Variants in TM2D3 observed in about 807,000 individuals in gnomAD.
TM2D3 encodes TM2 domain-containing protein 3.
Under a neutral mutation model 27.3 loss-of-function variants are expected in TM2D3, and 33 were observed. The observed-to-expected ratio is 1.21, with a 90% CI of 0.92 to 1.61. The LOEUF (loss-of-function observed/expected upper bound fraction) is 1.61. Ranked by LOEUF, TM2D3 falls within the 40% of genes most tolerant of loss-of-function variation. The probability of loss-of-function intolerance (pLI) is 0.00; values close to 1 mark genes in which losing one functional copy is unlikely to be tolerated. For missense variants in TM2D3, 364 were observed against 320.8 expected, an observed-to-expected ratio of 1.13 and a Z score of -1.03; for synonymous variants, 138 against 122.2, an observed-to-expected ratio of 1.13 and a Z score of -0.85.
chr15:101,650,453 T>C (rs919855899), intron 2 of TM2D3: 20 of 246,698 alleles, frequency 8.1e-5, no homozygotes, highest in Admixed American at 1.6e-4. Flanking sequence ...ATTCTGGGTA[T>C]ACATTAAGGG....
At chr15:101,633,964 A>G in intron 4 of TM2D3, 1 of 389,378 alleles carries the variant, frequency 2.6e-6, no homozygotes, top group Non-Finnish European at 4.6e-6. Context: ...AATTACTAAC[A>G]CTCTTAATAC....
Position 101,646,744 on chromosome 15 carries a change from C to T in TM2D3, c.483G>A (p.Arg161=), listed in dbSNP as rs1398826373. ...RQRYPANCTV[R]DHVHCLGNRT... ...ACCTACCCAAGCAGTGGACGTGGTC[C>T]CGCACCGTGCAGTTGGCAGGGTAGC... The change falls in exon 4 of 6, where the codon CGG becomes CGA. Residue 161 remains arginine (R), a synonymous_variant. Coordinates refer to ENST00000333202, the MANE Select transcript of TM2D3 (RefSeq NM_078474.3). 1.9e-6 allele frequency: 3 copies of T among 1,614,126 alleles called. No individual in the cohort carries two copies. The South Asian group carries it at 3.3e-5, about 18-fold the overall frequency.
downstream of TM2D3, among the ~76,000 whole-genome samples, chr15:101,637,194 C>CTA (rs909531792): frequency 2.0e-5 from 3 of 152,152 alleles, no homozygotes; most frequent in Non-Finnish European, 2.9e-5. Context: ...GTGTTATTGT[C>CTA]TAAAGACCTC....
At chr15:101,650,346 A>G in intron 2 of TM2D3, 185 bp from the exon 3 acceptor site, 1 of 540,090 alleles carries the variant, frequency 1.9e-6, no homozygotes, top group Non-Finnish European at 3.2e-6. Context: ...CAGCTGTGGG[A>G]CCTGGTGAGC....
downstream of TM2D3, among the ~76,000 whole-genome samples, chr15:101,639,179 TATC>T (rs1253137423): frequency 3.3e-5 from 5 of 152,224 alleles, no homozygotes; most frequent in Non-Finnish European, 7.3e-5. Flanking sequence ...TCACTACAGT[TATC>T]ATATTATAAA....
intron 5 of TM2D3, among the ~76,000 whole-genome samples, chr15:101,644,672 A>T (rs1488023303): frequency 1.3e-5 from 2 of 152,242 alleles, no homozygotes; most frequent in African/African-American, 4.8e-5. Flanking sequence ...ATATAAGCCT[A>T]TAATTATCTG....
chr15:101,645,402 C>T (rs954388678), intron 4 of TM2D3: 23 of 519,978 alleles, frequency 4.4e-5, no homozygotes, highest in East Asian at 6.8e-5. Context: ...TCAAGACCTA[C>T]GGGGAAGTTA....
intron 2 of TM2D3, 184 bp from the exon 3 acceptor site, chr15:101,650,345 G>C (rs1482855631): frequency 1.9e-6 from 1 of 539,576 alleles, no homozygotes; most frequent in Non-Finnish European, 3.2e-6. Context: ...CCAGCTGTGG[G>C]ACCTGGTGAG....
At position 101,651,854 on chromosome 15, in the gene TM2D3, G is replaced by T; in HGVS notation, c.92-81C>A. Reference sequence around the variant, plus strand: ...TTATTTTGTGTGGTTAACACGGCGGGTCTACACCAGGCCAATAAGCTGCTC... The same window carrying T: ...TTATTTTGTGTGGTTAACACGGCGGTTCTACACCAGGCCAATAAGCTGCTC... On this transcript the variant is annotated intron_variant, in intron 1 of 5. Transcript: ENST00000333202. The T allele has an allele frequency of 4.9e-6, 7 of 1,428,646 alleles. No individual in the cohort carries two copies. In the Admixed American group the frequency reaches 1.2e-4, roughly 24 times the overall value. The allele number at this position is 1,428,646 out of a possible 1,614,324, so 88.5% of individuals were successfully genotyped here. A position where few individuals can be genotyped will look rare whatever the true frequency, so the allele number is the denominator to read the frequency against.
intron 2 of TM2D3, 146 bp from the exon 3 acceptor site, chr15:101,650,307 T>A (rs576330533): frequency 1.3e-6 from 1 of 746,370 alleles, no homozygotes; most frequent in East Asian, 2.9e-5. Flanking sequence ...CAGAGACACC[T>A]GCAATTAAAG....
downstream of TM2D3, among the ~76,000 whole-genome samples, chr15:101,640,719 T>G (rs1896646955): frequency 6.6e-6 from 1 of 152,282 alleles, no homozygotes; most frequent in African/African-American, 2.4e-5. Flanking sequence ...CTGCTAGTTC[T>G]GTCTCAGGCC....
chr15:101,643,837 T>C (rs1293359121), intron 5 of TM2D3, among the ~76,000 whole-genome samples: 3 of 152,102 alleles, frequency 2.0e-5, no homozygotes, highest in Non-Finnish European at 2.9e-5. Flanking sequence ...ATTTGAACCA[T>C]TGTCAGCAAT....
At chr15:101,643,840 T>C (rs776744182) in intron 5 of TM2D3, among the ~76,000 whole-genome samples, 19 of 152,082 alleles carry the variant, frequency 1.2e-4, no homozygotes, top group Non-Finnish European at 2.4e-4. Context: ...TGAACCATTG[T>C]CAGCAATGGT....
chr15:101,643,596 C>T (rs189354453), intron 5 of TM2D3, among the ~76,000 whole-genome samples: 17,507 of 78,416 alleles, frequency 0.22, 1,742 homozygotes, highest in African/African-American at 0.38. Context: ...AGAGAGACTC[C>T]GTTAAAAAAA....
chr15:101,639,369 T>C (rs867930515), downstream of TM2D3, among the ~76,000 whole-genome samples: 2 of 117,776 alleles, frequency 1.7e-5, no homozygotes, highest in South Asian at 2.7e-4. Flanking sequence ...CTGCCTCCAT[T>C]TTTCCTGGGT....
intron 4 of TM2D3, chr15:101,646,055 A>G (rs2141365113): frequency 6.6e-6 from 1 of 152,528 alleles, no homozygotes; most frequent in East Asian, 1.9e-4. Flanking sequence ...TGCCATTGGG[A>G]GACAGGCAAA....
At chr15:101,652,019 C>G in intron 1 of TM2D3, 1 of 580,560 alleles carries the variant, frequency 1.7e-6, no homozygotes, top group Non-Finnish European at 3.0e-6. Flanking sequence ...CCCGGCCCAG[C>G]CCCCAAGCGC....
chr15:101,636,733 C>A, intron 4 of TM2D3: 1 of 211,032 alleles, frequency 4.7e-6, no homozygotes, highest in South Asian at 4.9e-5. Flanking sequence ...AACATTTTCA[C>A]AAATTGCCAG....
chr15:101,639,930 A>G (rs981006317), downstream of TM2D3, among the ~76,000 whole-genome samples: 18 of 152,186 alleles, frequency 1.2e-4, no homozygotes, highest in African/African-American at 3.9e-4. Context: ...TAAATAACCC[A>G]GCACCTTCCC....
Sources: gnomAD v4.1 joint callset for allele counts (sites outside exome capture counted in the v4.1 genomes callset) on GRCh38, gnomAD v4.1.1 for gene constraint, MANE v1.5 for transcripts, NCBI Gene and HGNC (gene_info 2026-07-23, HGNC 2026-07-21) for gene names.